LATS2: variants seen among roughly 807,000 people sequenced by gnomAD.
LATS2 encodes the protein large tumor suppressor kinase 2, also known as serine/threonine-protein kinase LATS2.
A neutral mutation model predicts 76.0 loss-of-function variants in LATS2; 24 were observed. The ratio of observed to expected loss-of-function variants is 0.32; its 90% CI spans 0.23 to 0.44. The LOEUF (loss-of-function observed/expected upper bound fraction) is 0.44. Ranked by LOEUF, LATS2 falls within the 20% of genes least tolerant of loss-of-function variation. The pLI is 1.00. For synonymous variants in LATS2, 692 were observed against 635.4 expected, an observed-to-expected ratio of 1.09 and a Z score of -1.34; for missense variants, 1,286 against 1,481.2, an observed-to-expected ratio of 0.87 and a Z score of 2.16.
At chr13:21,060,554 G>A (rs868528013) in intron 1 of LATS2, among the ~76,000 whole-genome samples, 1 of 152,090 alleles carries the variant, frequency 6.6e-6, no homozygotes, top group Non-Finnish European at 1.5e-5. Flanking sequence ...CCCGCAGCCC[G>A]GGAGGAACGG....
At chr13:20,986,427 A>G (rs551986742) in intron 4 of LATS2, among the ~76,000 whole-genome samples, 1 of 152,372 alleles carries the variant, frequency 6.6e-6, no homozygotes, top group South Asian at 2.1e-4. Flanking sequence ...ACCATGGGAT[A>G]CTATTCAGCC....
At chr13:20,976,526 T>C (rs1353107664) in intron 7 of LATS2, among the ~76,000 whole-genome samples, 3 of 152,200 alleles carry the variant, frequency 2.0e-5, no homozygotes, top group African/African-American at 7.2e-5. Flanking sequence ...GGAGAACAGA[T>C]TTCAAAACAT....
chr13:21,034,219 G>C (rs1806070295), intron 2 of LATS2, among the ~76,000 whole-genome samples: 1 of 152,192 alleles, frequency 6.6e-6, no homozygotes, highest in African/African-American at 2.4e-5. Context: ...GGACTCCTGA[G>C]GCTCAGAAGG....
chr13:21,011,003 G>GCTGCT (rs1871573485), intron 2 of LATS2, among the ~76,000 whole-genome samples: 1 of 152,244 alleles, frequency 6.6e-6, no homozygotes, highest in Admixed American at 6.5e-5. Context: ...TCCCTGGTTT[G>GCTGCT]CAAACTGCTC....
intron 3 of LATS2, among the ~76,000 whole-genome samples, chr13:20,989,994 T>G (rs1320023469): frequency 6.6e-6 from 1 of 152,212 alleles, no homozygotes; most frequent in Admixed American, 6.5e-5. Context: ...CTTTCATTTC[T>G]TCAGGCCAAC....
At chr13:21,049,461 C>A (rs1249231324) in intron 1 of LATS2, among the ~76,000 whole-genome samples, 1 of 152,182 alleles carries the variant, frequency 6.6e-6, no homozygotes, top group East Asian at 1.9e-4. Flanking sequence ...GGGACATTTG[C>A]CCGGCCAGAG....
intron 6 of LATS2, among the ~76,000 whole-genome samples, chr13:20,980,439 G>A (rs959696910): frequency 1.3e-5 from 2 of 152,146 alleles, no homozygotes; most frequent in African/African-American, 2.4e-5. Context: ...AGCCAGGATC[G>A]TCTTCATGTC....
Position 21,049,636 on chromosome 13 carries a change from A to G in LATS2, c.-204-3406T>C, listed in dbSNP as rs186726434. Among the ~76,000 whole-genome samples the G allele has an allele frequency of 3.1e-4, 47 of 152,318 alleles. No individual in the cohort carries two copies. The East Asian group carries it at 8.7e-3, about 28-fold the overall frequency. ...GGGGCAAGCTGCTTTTCACTCAGCT[A>G]TGAAAGGACAAGAGCCACAAGAGAC... On this transcript the variant is annotated intron_variant, in intron 1 of 7. Transcript: ENST00000382592.
chr13:21,041,011 C>T (rs562577256), intron 2 of LATS2, among the ~76,000 whole-genome samples: 61 of 151,734 alleles, frequency 4.0e-4, no homozygotes, highest in Non-Finnish European at 7.8e-4. Flanking sequence ...CTCGCTCTGT[C>T]GCCCAGGCTG....
At chr13:20,982,330 A>G (rs1869927636) in intron 5 of LATS2, among the ~76,000 whole-genome samples, 1 of 152,148 alleles carries the variant, frequency 6.6e-6, no homozygotes, top group South Asian at 2.1e-4. Context: ...ATTTTATTTG[A>G]GACAGAGTTT....
chr13:21,049,013 A>G (rs1050774115), intron 1 of LATS2, among the ~76,000 whole-genome samples: 1 of 152,182 alleles, frequency 6.6e-6, no homozygotes, highest in African/African-American at 2.4e-5. Flanking sequence ...GAGAATAAAA[A>G]AGAAAGAGCT....
intron 1 of LATS2, among the ~76,000 whole-genome samples, chr13:21,051,418 T>C (rs2053225854): frequency 2.0e-5 from 3 of 152,226 alleles, no homozygotes; most frequent in Middle Eastern, 3.4e-3. Flanking sequence ...GGATCTGAAA[T>C]AGAGAGCAGT....
intron 1 of LATS2, among the ~76,000 whole-genome samples, chr13:21,053,679 G>A (rs981319119): frequency 3.9e-5 from 6 of 152,110 alleles, no homozygotes; most frequent in African/African-American, 2.4e-5. Flanking sequence ...TAAATGAAAC[G>A]GGCCCAAGGG....
intron 2 of LATS2, among the ~76,000 whole-genome samples, chr13:21,040,389 A>AG (rs1040561642): frequency 6.6e-6 from 1 of 151,684 alleles, no homozygotes; most frequent in African/African-American, 2.4e-5. Context: ...AAAAAAAAAA[A>AG]AAGAAAGAAA....
chr13:21,053,820 A>C (rs910550576), intron 1 of LATS2, among the ~76,000 whole-genome samples: 1 of 152,246 alleles, frequency 6.6e-6, no homozygotes, highest in Non-Finnish European at 1.5e-5. Context: ...AGCCAAACAC[A>C]AAAAGGAAAT....
chr13:20,983,230 G>C lies in LATS2; in HGVS notation c.2476C>G (p.Gln826Glu). 2 of 1,606,406 alleles carry C rather than the reference G, an allele frequency of 1.2e-6. No homozygotes were observed. The highest frequency in any genetic ancestry group is 4.5e-5 in the East Asian group (2 of 44,822). ...GGCACACTTCAGACAATACCTTTCT[G>C]GTAATATTTGGAATTGTGAGTCCAC... ...FRWTHNSKYY[Q>E]KGSHVRQDSM... The change falls in exon 5 of 8, where the codon CAG (glutamine) becomes GAG (glutamate). Residue 826 changes from glutamine to glutamate, a missense_variant. Gln to Glu is a conservative substitution (Grantham distance 29). This residue lies in a region of LATS2 where 247 missense variants were observed against 385.4 expected (regional missense o/e 0.64). Coordinates refer to ENST00000382592, the MANE Select transcript of LATS2 (RefSeq NM_014572.3).
At chr13:21,044,852 C>T (rs2138403487) in intron 2 of LATS2, among the ~76,000 whole-genome samples, 1 of 87,724 alleles carries the variant, frequency 1.1e-5, no homozygotes, top group Non-Finnish European at 2.5e-5. Context: ...GCCTCAGCAT[C>T]CCATGTAGTT....
At chr13:21,040,391 AGAAAG>A (rs796798848) in intron 2 of LATS2, among the ~76,000 whole-genome samples, 79 of 150,996 alleles carry the variant, frequency 5.2e-4, no homozygotes, top group African/African-American at 1.9e-3. Flanking sequence ...AAAAAAAAAA[AGAAAG>A]AAAAAGAAAA....
chr13:21,040,303 T>C (rs1485697242), intron 2 of LATS2, among the ~76,000 whole-genome samples: 2 of 151,532 alleles, frequency 1.3e-5, no homozygotes, highest in African/African-American at 4.9e-5. Flanking sequence ...GGAGAATTGC[T>C]TGAGCCCAGG....
Sources: allele counts gnomAD v4.1 joint callset (sites outside exome capture counted in the v4.1 genomes callset), GRCh38; gene constraint gnomAD v4.1.1; regional missense constraint gnomAD v4.1.1; transcripts MANE v1.5; gene names NCBI Gene and HGNC (gene_info 2026-07-23, HGNC 2026-07-21).